Variants in PIGU observed in about 807,000 individuals in gnomAD.
PIGU encodes GPI-anchor transamidase component PIGU.
PIGU carries 24 observed loss-of-function variants against 49.9 expected under a neutral mutation model. The observed-to-expected ratio is 0.48, with a 90% CI of 0.35 to 0.68. PIGU has a LOEUF of 0.68. Ranked by LOEUF, PIGU falls within the 30% of genes least tolerant of loss-of-function variation. The pLI, the probability that PIGU is intolerant of heterozygous loss-of-function variation, is 0.01. For synonymous variants in PIGU, 220 were observed against 205.7 expected (o/e 1.07, Z -0.59); for missense variants, 490 against 532.6 (o/e 0.92, Z 0.79).
At chr20:34,564,944 TG>T (rs1207588903) in intron 11 of PIGU, among the ~76,000 whole-genome samples, 2 of 152,256 alleles carry the variant, frequency 1.3e-5, no homozygotes, top group African/African-American at 4.8e-5. Context: ...GACACCAGGC[TG>T]GCCGAGAGGC....
chr20:34,590,319 G>T (rs1429655615), intron 7 of PIGU, among the ~76,000 whole-genome samples: 1 of 152,092 alleles, frequency 6.6e-6, no homozygotes, highest in Non-Finnish European at 1.5e-5. Context: ...CACTTTGGGA[G>T]GCCGAGGCGG....
At chr20:34,581,505 G>A (rs1260338082) in intron 10 of PIGU, 43 bp downstream of exon 10, 4 of 1,610,080 alleles carry the variant, frequency 2.5e-6, no homozygotes, top group Non-Finnish European at 3.4e-6. Flanking sequence ...TCTCATCCAG[G>A]CCCAGGCTGA....
intron 11 of PIGU, among the ~76,000 whole-genome samples, chr20:34,561,661 A>C (rs1468464803): frequency 6.6e-6 from 1 of 152,028 alleles, no homozygotes; most frequent in African/African-American, 2.4e-5. Flanking sequence ...CAAATCCTCC[A>C]AAGGCTTCCC....
At chr20:34,614,430 C>T (rs745335730) in intron 7 of PIGU, among the ~76,000 whole-genome samples, 5 of 151,810 alleles carry the variant, frequency 3.3e-5, no homozygotes, top group South Asian at 2.1e-4. Flanking sequence ...CCCAAGAATT[C>T]GAGACCAGTC....
intron 6 of PIGU, among the ~76,000 whole-genome samples, chr20:34,633,322 G>A (rs1568650383): frequency 6.6e-6 from 1 of 152,076 alleles, no homozygotes; most frequent in Non-Finnish European, 1.5e-5. Flanking sequence ...AAATTAGCCA[G>A]GCATGATGGA....
chr20:34,617,875 G>A (rs1985072032), intron 6 of PIGU, among the ~76,000 whole-genome samples: 1 of 152,140 alleles, frequency 6.6e-6, no homozygotes, highest in Non-Finnish European at 1.5e-5. Context: ...GGAGTTGCTG[G>A]TCTTTCCCAT....
intron 11 of PIGU, among the ~76,000 whole-genome samples, chr20:34,566,480 G>A (rs1982773230): frequency 6.6e-6 from 1 of 152,194 alleles, no homozygotes; most frequent in Admixed American, 6.5e-5. Flanking sequence ...CTGATAAAGG[G>A]GTGACCAGGG....
chr20:34,601,805 C>T (rs977292145), intron 7 of PIGU, among the ~76,000 whole-genome samples: 14 of 152,136 alleles, frequency 9.2e-5, no homozygotes, highest in Non-Finnish European at 2.1e-4. Flanking sequence ...TACCAAAGAC[C>T]ACCCAGTCTG....
chr20:34,570,738 TTA>T (rs779789116), intron 11 of PIGU, among the ~76,000 whole-genome samples: 10 of 152,246 alleles, frequency 6.6e-5, no homozygotes, highest in Admixed American at 1.3e-4. Flanking sequence ...GAAGATTTTC[TTA>T]TGTTCTCTGT....
chr20:34,616,992 C>A (rs1478865041), intron 6 of PIGU, among the ~76,000 whole-genome samples: 5 of 152,156 alleles, frequency 3.3e-5, no homozygotes. Context: ...GACCTGTAAT[C>A]CCAGCTACTC....
intron 4 of PIGU, among the ~76,000 whole-genome samples, chr20:34,641,209 G>A (rs565808095): frequency 2.6e-5 from 4 of 152,256 alleles, no homozygotes; most frequent in Admixed American, 6.5e-5. Flanking sequence ...GAGCCACAGC[G>A]CCCGGCTATA....
At chr20:34,614,264 A>G (rs1399908104) in intron 7 of PIGU, among the ~76,000 whole-genome samples, 1 of 152,128 alleles carries the variant, frequency 6.6e-6, no homozygotes, top group East Asian at 1.9e-4. Context: ...GGCACTGCAC[A>G]TCCCATCCTG....
chr20:34,583,288 C>T lies in PIGU; in HGVS notation c.927-1616G>A, dbSNP rs145835936. ...AGGCTTTTCAGGTAGCTGGTAACAA[C>T]GGCAACATTTCTATGAAAAGGCTGG... On this transcript the variant is annotated intron_variant, in intron 9 of 11. Transcript: ENST00000217446. 2.0e-4 allele frequency among the ~76,000 whole-genome samples: 30 copies of T among 152,320 alleles called. No homozygotes were observed. In the East Asian group the frequency reaches 4.4e-3, roughly 23 times the overall value.
At chr20:34,643,800 C>CAAA (rs749414414) in intron 4 of PIGU, 110 of 44,636 alleles carry the variant, frequency 2.5e-3, no homozygotes, top group East Asian at 4.8e-3. Context: ...TCTTCCTATG[C>CAAA]AAAAAAAAAA....
intron 1 of PIGU, among the ~76,000 whole-genome samples, chr20:34,660,177 G>A (rs913404989): frequency 2.0e-5 from 3 of 151,704 alleles, no homozygotes; most frequent in Admixed American, 6.6e-5. Flanking sequence ...CAAAGAAATA[G>A]AAAATCACCA....
chr20:34,577,438 G>A (rs897791416), intron 10 of PIGU, among the ~76,000 whole-genome samples: 3 of 152,198 alleles, frequency 2.0e-5, no homozygotes, highest in East Asian at 1.9e-4. Context: ...AATCACGGCC[G>A]GGTATGGTGG....
intron 1 of PIGU, among the ~76,000 whole-genome samples, chr20:34,659,443 C>A (rs1237840993): frequency 6.7e-6 from 1 of 148,646 alleles, no homozygotes; most frequent in Non-Finnish European, 1.5e-5. Context: ...GGTCAGCCCC[C>A]GGCCCGGCCA....
intron 2 of PIGU, among the ~76,000 whole-genome samples, chr20:34,645,811 G>A (rs1986325918): frequency 6.6e-6 from 1 of 152,078 alleles, no homozygotes; most frequent in Admixed American, 6.5e-5. Flanking sequence ...GCAGAAGAAT[G>A]GCGTGAACCC....
At chr20:34,665,621 G>A (rs560820968) in intron 1 of PIGU, among the ~76,000 whole-genome samples, 114 of 151,496 alleles carry the variant, frequency 7.5e-4, no homozygotes, top group Non-Finnish European at 2.9e-4. Context: ...ATTACAGGCG[G>A]GAGCCACCAC....
Sources: allele counts gnomAD v4.1 joint callset (sites outside exome capture counted in the v4.1 genomes callset), GRCh38; gene constraint gnomAD v4.1.1; transcripts MANE v1.5; gene names NCBI Gene and HGNC (gene_info 2026-07-23, HGNC 2026-07-21).